SULF2: variants seen among roughly 807,000 people sequenced by gnomAD.
SULF2 encodes the protein extracellular sulfatase Sulf-2.
A neutral mutation model predicts 107.7 loss-of-function variants in SULF2; 52 were observed. That is an observed-to-expected ratio of 0.48 (90% CI 0.39 to 0.61). SULF2 has a LOEUF of 0.61. Ranked by LOEUF, SULF2 falls within the 20% of genes least tolerant of loss-of-function variation. The pLI is 0.00. For missense variants in SULF2, 993 were observed against 1,177.3 expected, an observed-to-expected ratio of 0.84 and a Z score of 2.29; for synonymous variants, 460 against 464.3, an observed-to-expected ratio of 0.99 and a Z score of 0.12.
At chr20:47,763,880 G>A (rs924423980) in intron 1 of SULF2, among the ~76,000 whole-genome samples, 6 of 152,130 alleles carry the variant, frequency 3.9e-5, no homozygotes, top group Admixed American at 3.9e-4. Flanking sequence ...TCCACTGAAC[G>A]GCCTTCAATA....
intron 11 of SULF2, 133 bp downstream of exon 11, chr20:47,672,064 TG>T: frequency 1.1e-6 from 1 of 915,732 alleles, no homozygotes; most frequent in South Asian, 1.7e-5. Flanking sequence ...TGAGGAGATG[TG>T]GCTGTGTCCC....
In SULF2 at chr20:47,678,516, G is replaced by GCTTCTCTCCCACGGGGACCATA. The variant is rs1675696480; in HGVS notation, c.1193+159_1193+160insTATGGTCCCCGTGGGAGAGAAG. On this transcript the variant is annotated intron_variant, in intron 8 of 20. Transcript: ENST00000688720. The surrounding 1 kb of genome is among the most constrained non-coding windows in gnomAD (Gnocchi z 4.5). ...GACAGAATCTCGGAGAGGGGACCAT[G>GCTTCTCTCCCACGGGGACCATA]CTTCTCTCCCACAGCAGGTAAGTGG... The GCTTCTCTCCCACGGGGACCATA allele has an allele frequency of 2.2e-6, 2 of 921,658 alleles. No individual in the cohort carries two copies. The highest frequency in any genetic ancestry group is 3.3e-6 in the Non-Finnish European group (2 of 608,404). The allele number at this position is 921,658 out of a possible 1,614,324, so 57.1% of individuals were successfully genotyped here. A position where few individuals can be genotyped will look rare whatever the true frequency, so the allele number is the denominator to read the frequency against.
At chr20:47,779,854 G>A (rs1010847666) in intron 1 of SULF2, among the ~76,000 whole-genome samples, 31 of 151,978 alleles carry the variant, frequency 2.0e-4, no homozygotes, top group African/African-American at 5.6e-4. Context: ...TGATCCACCC[G>A]CCTTGGCCTC....
intron 20 of SULF2, among the ~76,000 whole-genome samples, chr20:47,659,169 GCA>G (rs1251544837): frequency 6.6e-6 from 1 of 152,160 alleles, no homozygotes; most frequent in East Asian, 1.9e-4. Flanking sequence ...AGTTTACCAA[GCA>G]CAGATTATAG....
At position 47,678,879 on chromosome 20, in the gene SULF2, G is replaced by A. The variant is rs1331029808; in HGVS notation, c.1065-75C>T. 1.4e-5 allele frequency: 18 copies of A among 1,331,312 alleles called. No homozygotes were observed. Among genetic ancestry groups the A allele is most frequent in the South Asian group, 4.8e-5 (4 of 83,058 alleles). The allele number at this position is 1,331,312 out of a possible 1,614,324, so 82.5% of individuals were successfully genotyped here. ...CAGCCTCGCGTGGGGGGTGGGGAGC[G>A]GTAGGTGGGCAGCAGTTTGTGGGAG... On this transcript the variant is annotated intron_variant, in intron 7 of 20. Coordinates refer to ENST00000688720, the MANE Select transcript of SULF2 (RefSeq NM_001387048.1). This position sits in a 1 kb window ranked among gnomAD's most constrained non-coding sequence, Gnocchi z 4.5.
chr20:47,709,558 T>C (rs1349094592), intron 3 of SULF2, among the ~76,000 whole-genome samples: 1 of 152,206 alleles, frequency 6.6e-6, no homozygotes, highest in Non-Finnish European at 1.5e-5. Context: ...GAGGACCGCA[T>C]TCCCCTGGTG....
At chr20:47,769,357 G>GCA (rs2090585665) in intron 1 of SULF2, among the ~76,000 whole-genome samples, 2 of 123,856 alleles carry the variant, frequency 1.6e-5, no homozygotes, top group African/African-American at 6.6e-5. Context: ...CCTAATTTTT[G>GCA]TATTTTTTTT....
At chr20:47,705,238 C>T (rs2088692728) in intron 3 of SULF2, among the ~76,000 whole-genome samples, 1 of 152,112 alleles carries the variant, frequency 6.6e-6, no homozygotes, top group African/African-American at 2.4e-5. Flanking sequence ...GGAGGATCCC[C>T]CAGCAGCCTC....
In SULF2 at chr20:47,680,149, G is replaced by A. The variant is rs997956039; in HGVS notation, c.1065-1345C>T. ...GAGAGGTGTCTTGCTCTGTCACCCAGGATGCAGTGTGGTGGCATGATCCTG... is the reference window on the plus strand; with the variant it reads ...GAGAGGTGTCTTGCTCTGTCACCCAAGATGCAGTGTGGTGGCATGATCCTG... On this transcript the variant is annotated intron_variant, in intron 7 of 20. Coordinates refer to ENST00000688720, the MANE Select transcript of SULF2 (RefSeq NM_001387048.1). The surrounding 1 kb of genome is among the most constrained non-coding windows in gnomAD (Gnocchi z 4.2). 6.6e-6 allele frequency among the ~76,000 whole-genome samples: 1 copy of A among 152,170 alleles called. No individual in the cohort carries two copies. The highest frequency in any genetic ancestry group is 1.5e-5 in the Non-Finnish European group (1 of 68,040).
chr20:47,754,921 G>A (rs1245456712), intron 2 of SULF2, among the ~76,000 whole-genome samples: 1 of 152,128 alleles, frequency 6.6e-6, no homozygotes, highest in East Asian at 1.9e-4. Flanking sequence ...CTGCAGCCTT[G>A]ACCTCTTGGG....
At chr20:47,776,971 T>C (rs1037182552) in intron 1 of SULF2, among the ~76,000 whole-genome samples, 8 of 152,170 alleles carry the variant, frequency 5.3e-5, no homozygotes, top group Non-Finnish European at 1.2e-4. Flanking sequence ...TCTTGCTTCC[T>C]TCATTCAAAA....
At chr20:47,728,926 G>A (rs772081039) in intron 3 of SULF2, among the ~76,000 whole-genome samples, 1 of 152,230 alleles carries the variant, frequency 6.6e-6, no homozygotes, top group Non-Finnish European at 1.5e-5. Context: ...AATTACTGGC[G>A]TGAGCCACCA....
intron 2 of SULF2, among the ~76,000 whole-genome samples, chr20:47,737,387 AC>A: frequency 6.6e-6 from 1 of 150,960 alleles, no homozygotes. Flanking sequence ...GAAACCAACC[AC>A]CATGTAAATT....
chr20:47,707,583 C>T (rs2088787324), intron 3 of SULF2, among the ~76,000 whole-genome samples: 1 of 152,178 alleles, frequency 6.6e-6, no homozygotes, highest in South Asian at 2.1e-4. Flanking sequence ...CCAGTGGCTG[C>T]CAGCTGACTT....
At chr20:47,734,627 G>C (rs1214594127) in intron 3 of SULF2, among the ~76,000 whole-genome samples, 2 of 152,230 alleles carry the variant, frequency 1.3e-5, no homozygotes, top group Non-Finnish European at 2.9e-5. Flanking sequence ...ATAACAAGGA[G>C]TACACCAGTT....
chr20:47,729,848 C>A (rs1322080803), intron 3 of SULF2, among the ~76,000 whole-genome samples: 1 of 152,196 alleles, frequency 6.6e-6, no homozygotes, highest in African/African-American at 2.4e-5. Context: ...CACTTTATAG[C>A]ATTGCAGAGG....
intron 2 of SULF2, among the ~76,000 whole-genome samples, chr20:47,746,785 T>C (rs1455176960): frequency 6.8e-6 from 1 of 147,506 alleles, no homozygotes; most frequent in Non-Finnish European, 1.5e-5. Context: ...AATTGAACAA[T>C]GAGAACACTT....
At chr20:47,681,955 G>GAACATGTCAGTCTGGA (rs1199642860) in intron 7 of SULF2, among the ~76,000 whole-genome samples, 4 of 152,108 alleles carry the variant, frequency 2.6e-5, no homozygotes, top group African/African-American at 9.7e-5. Context: ...AAAGTGCTGG[G>GAACATGTCAGTCTGGA]ATTACAGGCA....
In SULF2 at chr20:47,780,034, T is replaced by TG. The variant is rs1555869237; in HGVS notation, c.-101+5308dup. Among the ~76,000 whole-genome samples, 782 of 147,664 alleles carry TG rather than the reference T, an allele frequency of 5.3e-3. 9 individuals carry two copies. The highest frequency in any genetic ancestry group is 0.018 in the African/African-American group (732 of 40,112). On this transcript the variant is annotated intron_variant, in intron 1 of 20. Transcript: ENST00000688720. The stretch of plus-strand genomic sequence containing the variant: ...AGTTGACTTTTTTTTTTTTTTTTTT[T>TG]GAGACAGAGTCTGACTCTGTTGCCC...
Sources: allele counts gnomAD v4.1 joint callset (sites outside exome capture counted in the v4.1 genomes callset), GRCh38; gene constraint gnomAD v4.1.1; non-coding constraint Gnocchi (gnomAD v3.1); transcripts MANE v1.5; gene names NCBI Gene and HGNC (gene_info 2026-07-23, HGNC 2026-07-21).